Variants in ADAMTSL3 observed in about 807,000 individuals in gnomAD.
The protein encoded by ADAMTSL3 is ADAMTS-like protein 3.
ADAMTSL3 carries 128 observed loss-of-function variants against 201.7 expected under a neutral mutation model. The observed-to-expected ratio is 0.63, with a 90% CI of 0.55 to 0.73. ADAMTSL3 has a LOEUF of 0.73. Ranked by LOEUF, ADAMTSL3 falls within the 30% of genes least tolerant of loss-of-function variation. The probability of loss-of-function intolerance (pLI) is 0.00; values close to 1 mark genes in which losing one functional copy is unlikely to be tolerated. For synonymous variants in ADAMTSL3, 738 were observed against 748.4 expected (o/e 0.99, Z 0.23); for missense variants, 1,990 against 2,119.6 (o/e 0.94, Z 1.20).
At chr15:84,031,013 G>T (rs1459351214) in intron 27 of ADAMTSL3, among the ~76,000 whole-genome samples, 1 of 152,130 alleles carries the variant, frequency 6.6e-6, no homozygotes, top group African/African-American at 2.4e-5. Context: ...GTCTTCTGAG[G>T]CTTCCCCAGC....
intron 23 of ADAMTSL3, among the ~76,000 whole-genome samples, chr15:84,001,995 A>C (rs1424533321): frequency 6.6e-6 from 1 of 152,156 alleles, no homozygotes; most frequent in Admixed American, 6.5e-5. Context: ...TTGTATTTGG[A>C]TTATTGATTT....
At chr15:84,024,702 G>A (rs565016675) in intron 26 of ADAMTSL3, among the ~76,000 whole-genome samples, 1 of 152,184 alleles carries the variant, frequency 6.6e-6, no homozygotes, top group Non-Finnish European at 1.5e-5. Context: ...ATGAACTTTA[G>A]AGTCAGATAA....
intron 19 of ADAMTSL3, among the ~76,000 whole-genome samples, chr15:83,952,701 G>A (rs1432949227): frequency 6.6e-6 from 1 of 151,954 alleles, no homozygotes; most frequent in East Asian, 1.9e-4. Context: ...AGCTACTTGG[G>A]AGGTTGAGGC....
At chr15:83,910,271 C>T (rs1209178890) in intron 15 of ADAMTSL3, among the ~76,000 whole-genome samples, 1 of 151,638 alleles carries the variant, frequency 6.6e-6, no homozygotes, top group Non-Finnish European at 1.5e-5. Context: ...ACAGCCTGTT[C>T]CTCTGGTTGT....
Position 83,838,140 on chromosome 15 carries a change from G to A in ADAMTSL3, c.652G>A (p.Gly218Arg). The A allele has an allele frequency of 2.5e-6, 4 of 1,613,428 alleles. No individual in the cohort carries two copies. Among genetic ancestry groups the A allele is most frequent in the Non-Finnish European group, 3.4e-6 (4 of 1,179,754 alleles). The change falls in exon 7 of 30, where the codon GGA becomes AGA. Residue 218 changes from glycine (G) to arginine (R), a missense_variant. Physicochemically the swap from Gly to Arg is moderately radical, Grantham distance 125. Transcript: ENST00000286744. The stretch of plus-strand genomic sequence containing the variant: ...AAGCAATGCCAAGGAGGACAACTGT[G>A]GAGTCTGTGCCGGCGATGGCTCCAC... ...LGSNAKEDNC[G>R]VCAGDGSTCR...
At position 83,899,825 on chromosome 15, in the gene ADAMTSL3, T is replaced by C. The variant is rs116963751; in HGVS notation, c.1700+94T>C. ...ACTCATTGGAGTACAGTGATACATT[T>C]AATATCCAAATGACCTGGATTTACA... is the stretch of plus-strand genomic sequence containing the variant. On this transcript the variant is annotated intron_variant, in intron 15 of 29. Transcript: ENST00000286744. 1.2e-3 allele frequency: 1,751 copies of C among 1,454,478 alleles called. 42 individuals carry two copies. In the East Asian group the frequency reaches 0.037, roughly 31 times the overall value. The allele number at this position is 1,454,478 out of a possible 1,614,324, so 90.1% of individuals were successfully genotyped here.
At chr15:83,660,808 G>T (rs1199922715) in intron 2 of ADAMTSL3, among the ~76,000 whole-genome samples, 1 of 151,818 alleles carries the variant, frequency 6.6e-6, no homozygotes, top group Non-Finnish European at 1.5e-5. Flanking sequence ...TGTCAATTTT[G>T]TCTTTTGTTG....
chr15:83,782,802 ATC>A (rs1473699484), intron 4 of ADAMTSL3, among the ~76,000 whole-genome samples: 3 of 151,846 alleles, frequency 2.0e-5, no homozygotes, highest in Non-Finnish European at 4.4e-5. Context: ...TGACAAAATA[ATC>A]TGTCCAACAA....
intron 16 of ADAMTSL3, among the ~76,000 whole-genome samples, chr15:83,915,888 A>T (rs530197278): frequency 2.9e-4 from 44 of 152,342 alleles, no homozygotes; most frequent in African/African-American, 1.1e-3. Flanking sequence ...TTACCCATTC[A>T]TCGGCTGATA....
At chr15:83,970,066 A>T (rs2067164059) in intron 19 of ADAMTSL3, among the ~76,000 whole-genome samples, 1 of 152,234 alleles carries the variant, frequency 6.6e-6, no homozygotes, top group Non-Finnish European at 1.5e-5. Context: ...TATATCAATT[A>T]TACCTCAACA....
At chr15:83,714,592 C>T (rs551392582) in intron 3 of ADAMTSL3, among the ~76,000 whole-genome samples, 59 of 152,206 alleles carry the variant, frequency 3.9e-4, no homozygotes, top group South Asian at 1.2e-3. Flanking sequence ...TTCACTTACA[C>T]GCGCAGGTGA....
At chr15:83,702,439 C>A (rs901393718) in intron 2 of ADAMTSL3, among the ~76,000 whole-genome samples, 1 of 152,198 alleles carries the variant, frequency 6.6e-6, no homozygotes, top group Non-Finnish European at 1.5e-5. Flanking sequence ...ACCTTCATGG[C>A]AGCCCCTCCC....
At chr15:83,981,190 C>A (rs1178142360) in intron 20 of ADAMTSL3, among the ~76,000 whole-genome samples, 2 of 152,190 alleles carry the variant, frequency 1.3e-5, no homozygotes, top group Non-Finnish European at 2.9e-5. Context: ...TCTCCCATGC[C>A]TACCTCAGAA....
intron 2 of ADAMTSL3, among the ~76,000 whole-genome samples, chr15:83,667,210 G>A (rs747165000): frequency 1.6e-4 from 24 of 151,810 alleles, no homozygotes; most frequent in Non-Finnish European, 2.4e-4. Flanking sequence ...ATATGTTGTC[G>A]GTTAATCTTT....
intron 9 of ADAMTSL3, among the ~76,000 whole-genome samples, chr15:83,882,000 C>CA (rs1369624943): frequency 2.0e-5 from 3 of 151,576 alleles, no homozygotes; most frequent in East Asian, 3.9e-4. Context: ...AAAAAAAATA[C>CA]AAAAAATTAG....
intron 8 of ADAMTSL3, among the ~76,000 whole-genome samples, chr15:83,863,666 A>G (rs1437226652): frequency 6.6e-6 from 1 of 152,232 alleles, no homozygotes; most frequent in African/African-American, 2.4e-5. Context: ...AAAGCAGGAA[A>G]GATCTAAAAT....
chr15:83,755,527 T>C (rs745931478), intron 3 of ADAMTSL3, among the ~76,000 whole-genome samples: 14 of 152,252 alleles, frequency 9.2e-5, no homozygotes, highest in Non-Finnish European at 2.1e-4. Context: ...TATCCTTTTG[T>C]GTCTGGCTTA....
rs2063355130 is a variant in ADAMTSL3 at position 83,792,186 on chromosome 15, A to G, written c.318-12464A>G. On this transcript the variant is annotated intron_variant, in intron 4 of 29. Coordinates refer to ENST00000286744, the MANE Select transcript of ADAMTSL3 (RefSeq NM_207517.3). Reference sequence around the variant, plus strand: ...TAGCAAGAAAAAAATAACCTGATTAAAAAATGGGCAAAGGACCCAAATAGA... The same window carrying G: ...TAGCAAGAAAAAAATAACCTGATTAGAAAATGGGCAAAGGACCCAAATAGA... 2.0e-5 allele frequency among the ~76,000 whole-genome samples: 3 copies of G among 152,326 alleles called. 1 individual carries two copies. The South Asian group carries it at 6.2e-4, about 32-fold the overall frequency.
At chr15:84,034,888 C>G (rs567216191) in intron 28 of ADAMTSL3, among the ~76,000 whole-genome samples, 1 of 152,256 alleles carries the variant, frequency 6.6e-6, no homozygotes, top group South Asian at 2.1e-4. Context: ...GCTACCATTT[C>G]TACACTCATG....
Sources: gnomAD v4.1 joint callset for allele counts (sites outside exome capture counted in the v4.1 genomes callset) on GRCh38, gnomAD v4.1.1 for gene constraint, MANE v1.5 for transcripts, NCBI Gene and HGNC (gene_info 2026-07-23, HGNC 2026-07-21) for gene names.